Variants in CDC14B observed in about 807,000 individuals in gnomAD.
The protein encoded by CDC14B is dual specificity protein phosphatase CDC14B.
A neutral mutation model predicts 64.2 loss-of-function variants in CDC14B; 22 were observed. The observed-to-expected ratio is 0.34, with a 90% CI of 0.24 to 0.49. The LOEUF is 0.49. Ranked by LOEUF, CDC14B falls within the 20% of genes least tolerant of loss-of-function variation. CDC14B has a pLI of 0.99. For missense variants in CDC14B, 498 were observed against 629.9 expected, an observed-to-expected ratio of 0.79 and a Z score of 2.24; for synonymous variants, 191 against 215.8, an observed-to-expected ratio of 0.89 and a Z score of 1.01.
chr9:96,614,471 C>T (rs1173160574), intron 1 of CDC14B, among the ~76,000 whole-genome samples: 2 of 152,132 alleles, frequency 1.3e-5, no homozygotes, highest in Non-Finnish European at 2.9e-5. Context: ...GCATGAGTCA[C>T]TGCTCCCAGC....
At chr9:96,545,440 C>T (rs2131934470) in intron 5 of CDC14B, among the ~76,000 whole-genome samples, 1 of 151,902 alleles carries the variant, frequency 6.6e-6, no homozygotes, top group South Asian at 2.1e-4. Context: ...GCCTCAGCCT[C>T]CCAAATAACT....
At chr9:96,537,645 G>C (rs1362458556) in intron 7 of CDC14B, among the ~76,000 whole-genome samples, 1 of 152,218 alleles carries the variant, frequency 6.6e-6, no homozygotes, top group Non-Finnish European at 1.5e-5. Context: ...TCCAATTTCT[G>C]ATTAAGTGTC....
At chr9:96,546,227 A>G (rs1840805368) in intron 5 of CDC14B, among the ~76,000 whole-genome samples, 1 of 152,204 alleles carries the variant, frequency 6.6e-6, no homozygotes, top group South Asian at 2.1e-4. Context: ...AAGGAATAAA[A>G]AAGGATGAAC....
chr9:96,561,661 T>C (rs570337418), intron 4 of CDC14B, among the ~76,000 whole-genome samples: 18 of 151,466 alleles, frequency 1.2e-4, no homozygotes, highest in Admixed American at 9.2e-4. Flanking sequence ...TGTATTTTTT[T>C]TTTTTTTAGT....
chr9:96,548,868 T>A (rs1274292757), intron 5 of CDC14B, among the ~76,000 whole-genome samples: 1 of 152,082 alleles, frequency 6.6e-6, no homozygotes, highest in African/African-American at 2.4e-5. Flanking sequence ...AATAAAACAT[T>A]GCTACAGAAC....
rs1587998625 is a variant in CDC14B at position 96,566,663 on chromosome 9, G to C, written c.161-1180C>G. 2.7e-6 allele frequency: 3 copies of C among 1,109,614 alleles called. No homozygotes were observed. The East Asian group carries it at 7.8e-5, about 29-fold the overall frequency. The allele number at this position is 1,109,614 out of a possible 1,614,324, so 68.7% of individuals were successfully genotyped here. On this transcript the variant is annotated intron_variant, in intron 1 of 13. Coordinates refer to ENST00000375241, the MANE Select transcript of CDC14B (RefSeq NM_033331.4). The stretch of plus-strand genomic sequence containing the variant: ...AGGCCACCCACACGCAGGAGACAAG[G>C]GCGGCCGGGGCCCAGACTAGGGGCA...
intron 1 of CDC14B, among the ~76,000 whole-genome samples, chr9:96,573,392 C>T (rs1432693779): frequency 6.6e-6 from 1 of 151,616 alleles, no homozygotes; most frequent in Non-Finnish European, 1.5e-5. Context: ...TTTCTAGATA[C>T]AGAAGATTAA....
chr9:96,523,160 G>GAA, intron 11 of CDC14B, 101 bp downstream of exon 11: 1 of 1,252,168 alleles, frequency 8.0e-7, no homozygotes, highest in East Asian at 2.3e-5. Context: ...AATCATCCAA[G>GAA]AGCTGCTTTA....
intron 9 of CDC14B, among the ~76,000 whole-genome samples, chr9:96,525,004 G>C (rs866408955): frequency 5.9e-5 from 9 of 152,288 alleles, no homozygotes; most frequent in Middle Eastern, 3.4e-3. Context: ...TGTAAGGAAA[G>C]TGTTGAAGAT....
At chr9:96,509,525 T>C (rs1834618560) in intron 13 of CDC14B, 148 bp downstream of exon 13, 2 of 672,668 alleles carry the variant, frequency 3.0e-6, no homozygotes, top group Admixed American at 2.7e-5. Context: ...TCTTAGATAA[T>C]GAACAAGGAA....
chr9:96,608,917 AC>A (rs1246534807), intron 1 of CDC14B, among the ~76,000 whole-genome samples: 117 of 152,078 alleles, frequency 7.7e-4, no homozygotes, highest in African/African-American at 1.2e-3. Context: ...ACACACACAC[AC>A]ACACACACGA....
At chr9:96,570,772 A>G (rs531687504) in intron 1 of CDC14B, among the ~76,000 whole-genome samples, 4 of 152,232 alleles carry the variant, frequency 2.6e-5, no homozygotes, top group Non-Finnish European at 5.9e-5. Flanking sequence ...ATACCCTGTG[A>G]GGTTAGCACT....
At chr9:96,567,142 C>G in intron 1 of CDC14B, 1 of 471,156 alleles carries the variant, frequency 2.1e-6, no homozygotes, top group Non-Finnish European at 3.7e-6. Flanking sequence ...CCAACCAGGG[C>G]TCCTCCAGTG....
intron 3 of CDC14B, among the ~76,000 whole-genome samples, 196 bp downstream of exon 3, chr9:96,564,581 T>TA (rs1843661711): frequency 6.6e-6 from 1 of 152,204 alleles, no homozygotes; most frequent in South Asian, 2.1e-4. Flanking sequence ...GACCCAAACT[T>TA]AAACTGTTCA....
chr9:96,499,088 G>T (rs1302657860), downstream of CDC14B, among the ~76,000 whole-genome samples: 2 of 152,268 alleles, frequency 1.3e-5, no homozygotes, highest in Non-Finnish European at 2.9e-5. Flanking sequence ...GCTCTAGTGG[G>T]TCAGGGGAGA....
intron 13 of CDC14B, among the ~76,000 whole-genome samples, chr9:96,495,042 G>C (rs1189460191): frequency 1.3e-5 from 2 of 151,712 alleles, no homozygotes; most frequent in Non-Finnish European, 2.9e-5. Flanking sequence ...CACCGTGTTA[G>C]CCAGGATGGG....
chr9:96,527,410 CA>C (rs1837740220), intron 9 of CDC14B, among the ~76,000 whole-genome samples: 2 of 151,784 alleles, frequency 1.3e-5, no homozygotes, highest in African/African-American at 4.8e-5. Context: ...AAAACAAAAA[CA>C]AAAAAATTCT....
intron 13 of CDC14B, among the ~76,000 whole-genome samples, chr9:96,493,977 C>T (rs915352632): frequency 1.3e-5 from 2 of 152,202 alleles, no homozygotes; most frequent in African/African-American, 4.8e-5. Flanking sequence ...TCAAAGAAGT[C>T]TTTCAGACTT....
At chr9:96,547,017 G>A (rs1000785930) in intron 5 of CDC14B, among the ~76,000 whole-genome samples, 6 of 151,442 alleles carry the variant, frequency 4.0e-5, no homozygotes, top group Admixed American at 3.3e-4. Context: ...AGCCAAGATC[G>A]TGCCACTGCA....
Sources: allele counts gnomAD v4.1 joint callset (sites outside exome capture counted in the v4.1 genomes callset), GRCh38; gene constraint gnomAD v4.1.1; transcripts MANE v1.5; gene names NCBI Gene and HGNC (gene_info 2026-07-23, HGNC 2026-07-21).